ARHGAP6: variants seen among roughly 807,000 people sequenced by gnomAD.
The protein encoded by ARHGAP6 is Rho GTPase activating protein 6, also known as rho GTPase-activating protein 6.
In ARHGAP6, 16 loss-of-function variants were observed where a neutral mutation model predicts 55.7. The observed-to-expected ratio is 0.29, with a 90% CI of 0.19 to 0.44. The LOEUF (loss-of-function observed/expected upper bound fraction) is 0.44. Among genes scored for constraint, ARHGAP6 ranks in the 20% least tolerant of loss-of-function variants. The probability of loss-of-function intolerance (pLI) is 1.00; values close to 1 mark genes in which losing one functional copy is unlikely to be tolerated. For synonymous variants in ARHGAP6, 382 were observed against 360.9 expected (o/e 1.06, Z -0.66); for missense variants, 698 against 808.9 (o/e 0.86, Z 1.66).
At chrX:11,591,190 C>CA (rs1051027805) in intron 1 of ARHGAP6, among the ~76,000 whole-genome samples, 4 of 103,216 alleles carry the variant, frequency 3.9e-5, no homozygotes, top group Admixed American at 1.1e-4. Context: ...AGACTCGTCT[C>CA]AAAAAAAAAT....
intron 1 of ARHGAP6, among the ~76,000 whole-genome samples, chrX:11,564,085 A>T (rs1174852982): frequency 8.9e-6 from 1 of 111,788 alleles, no homozygotes; most frequent in Admixed American, 9.5e-5. Context: ...TCCAATGAAA[A>T]ACAATAAAAT....
intron 1 of ARHGAP6, among the ~76,000 whole-genome samples, chrX:11,591,661 A>C (rs963174555): frequency 5.4e-5 from 6 of 112,008 alleles, no homozygotes; most frequent in African/African-American, 1.9e-4. Context: ...CCATAGAGGC[A>C]GAAAGTATAT....
At chrX:11,533,967 T>A (rs2051077300) in intron 1 of ARHGAP6, among the ~76,000 whole-genome samples, 1 of 112,319 alleles carries the variant, frequency 8.9e-6, no homozygotes, top group South Asian at 3.7e-4. Flanking sequence ...TGAAAGGTTT[T>A]GGATTTTTGG....
intron 2 of ARHGAP6, among the ~76,000 whole-genome samples, chrX:11,211,991 C>A (rs970696662): frequency 9.0e-6 from 1 of 111,426 alleles, no homozygotes; most frequent in Non-Finnish European, 1.9e-5. Flanking sequence ...ATTAATCAAC[C>A]CAGTGCCCCT....
chrX:11,433,732 C>T (rs2049961791), intron 1 of ARHGAP6, among the ~76,000 whole-genome samples: 1 of 112,531 alleles, frequency 8.9e-6, no homozygotes, highest in Non-Finnish European at 1.9e-5. Context: ...AACAATTCCA[C>T]TATTCATTAA....
chrX:11,170,778 T>C (rs1277422272), intron 8 of ARHGAP6, among the ~76,000 whole-genome samples: 2 of 111,210 alleles, frequency 1.8e-5, no homozygotes, highest in African/African-American at 6.6e-5. Context: ...GTGAGGAACA[T>C]GAAGGGCTGA....
At chrX:11,657,466 AG>A (rs1430470796) in intron 1 of ARHGAP6, among the ~76,000 whole-genome samples, 1 of 108,755 alleles carries the variant, frequency 9.2e-6, no homozygotes, top group Non-Finnish European at 1.9e-5. Context: ...GGAGGAGTAA[AG>A]GCATTCTGGC....
chrX:11,429,161 C>A (rs780569950), intron 1 of ARHGAP6, among the ~76,000 whole-genome samples: 38 of 112,868 alleles, frequency 3.4e-4, no homozygotes, highest in African/African-American at 1.2e-3. Context: ...ATGCACAGAA[C>A]AAATGGATTA....
chrX:11,419,742 C>T (rs2147776088), intron 1 of ARHGAP6, among the ~76,000 whole-genome samples: 1 of 112,317 alleles, frequency 8.9e-6, no homozygotes, highest in East Asian at 2.8e-4. Context: ...CTCTGTATTG[C>T]ACTTGGACTG....
intron 2 of ARHGAP6, among the ~76,000 whole-genome samples, chrX:11,201,958 G>A (rs912194542): frequency 1.9e-5 from 2 of 105,315 alleles, no homozygotes; most frequent in Non-Finnish European, 3.9e-5. Flanking sequence ...CTCCACTACT[G>A]TACCACTGTG....
intron 1 of ARHGAP6, among the ~76,000 whole-genome samples, chrX:11,555,885 G>A (rs1049787305): frequency 1.8e-5 from 2 of 111,506 alleles, no homozygotes; most frequent in African/African-American, 6.5e-5. Context: ...TCTCTGGGGA[G>A]TGATAAGAGA....
chrX:11,215,468 C>T (rs1311444775), intron 2 of ARHGAP6, among the ~76,000 whole-genome samples: 1 of 113,198 alleles, frequency 8.8e-6, no homozygotes, highest in East Asian at 2.8e-4. Flanking sequence ...GGGATGCTGA[C>T]ATATTCTCCG....
chrX:11,550,813 G>A (rs755593613), intron 1 of ARHGAP6, among the ~76,000 whole-genome samples: 2 of 111,989 alleles, frequency 1.8e-5, no homozygotes, highest in East Asian at 2.8e-4. Context: ...ATCATGAGAG[G>A]ACAGTATATT....
chrX:11,438,228 G>A (rs972061929), intron 1 of ARHGAP6, among the ~76,000 whole-genome samples: 31 of 112,369 alleles, frequency 2.8e-4, no homozygotes, highest in African/African-American at 9.4e-4. Context: ...AAATAGCATT[G>A]CTGTTCTGCC....
At chrX:11,644,596 A>C (rs1159290895) in intron 1 of ARHGAP6, among the ~76,000 whole-genome samples, 1 of 110,842 alleles carries the variant, frequency 9.0e-6, no homozygotes, top group Non-Finnish European at 1.9e-5. Flanking sequence ...CAGCATCATC[A>C]ACTGTTAGGG....
Position 11,664,536 on chromosome X carries a change from G to C in ARHGAP6, c.293C>G (p.Pro98Arg). 3 of 1,200,475 alleles carry C rather than the reference G, an allele frequency of 2.5e-6. No homozygotes were observed. Among genetic ancestry groups the C allele is most frequent in the Non-Finnish European group, 3.4e-6 (3 of 889,420 alleles). Residue 98 changes from proline to arginine, a missense_variant, in exon 1 of 13, where the codon CCT becomes CGT. Physicochemically the swap from Pro to Arg is moderately radical, Grantham distance 103 (BLOSUM62 -2). Coordinates refer to ENST00000337414, the MANE Select transcript of ARHGAP6 (RefSeq NM_013427.3). Reference sequence around the variant, plus strand: ...GGGTGTGGAGAAGGACGAGCAAAGAGGTCCAGGAGGCGGTAGCCTGGTGGC... The same window carrying C: ...GGGTGTGGAGAAGGACGAGCAAAGACGTCCAGGAGGCGGTAGCCTGGTGGC... The part of the protein sequence containing the change: ...PRATRLPPPG[P>R]LCSSFSTPST...
At chrX:11,174,645 T>TTTCTG (rs2046173436) in intron 8 of ARHGAP6, among the ~76,000 whole-genome samples, 5 of 83,671 alleles carry the variant, frequency 6.0e-5, no homozygotes, top group African/African-American at 2.4e-4. Context: ...CTTTCTTTCT[T>TTTCTG]TCTTTCTTTC....
chrX:11,415,699 C>T (rs1176821176), intron 1 of ARHGAP6, among the ~76,000 whole-genome samples: 1 of 111,835 alleles, frequency 8.9e-6, no homozygotes, highest in Admixed American at 9.5e-5. Context: ...TGTCAAATTC[C>T]TGCCTACGTC....
At chrX:11,426,990 C>A (rs1442143109) in intron 1 of ARHGAP6, among the ~76,000 whole-genome samples, 2 of 109,962 alleles carry the variant, frequency 1.8e-5, no homozygotes, top group African/African-American at 3.3e-5. Context: ...CTGGTATTCT[C>A]TTGTATTAGC....
Sources: allele counts gnomAD v4.1 joint callset (sites outside exome capture counted in the v4.1 genomes callset), GRCh38; gene constraint gnomAD v4.1.1; transcripts MANE v1.5; gene names NCBI Gene and HGNC (gene_info 2026-07-23, HGNC 2026-07-21).